The following PHF13 variants were observed in gnomAD, a reference collection of about 807,000 sequenced individuals.
PHF13 encodes the protein PHD finger protein 13.
A neutral mutation model predicts 25.8 loss-of-function variants in PHF13; 1 was observed. The ratio of observed to expected loss-of-function variants is 0.04; its 90% CI spans 0.01 to 0.18. The LOEUF is 0.18. Among genes scored for constraint, PHF13 ranks in the 10% least tolerant of loss-of-function variants. PHF13 has a pLI of 1.00. For missense variants in PHF13, 306 were observed against 403.2 expected (o/e 0.76, Z 2.06); for synonymous variants, 195 against 162.4 (o/e 1.20, Z -1.53).
chr1:6,615,642 G>A (rs971651037), intron 1 of PHF13, among the ~76,000 whole-genome samples: 4 of 152,144 alleles, frequency 2.6e-5, no homozygotes, highest in African/African-American at 4.8e-5. Flanking sequence ...GCACTGAAAG[G>A]AACCTCAGGG....
At position 6,614,057 on chromosome 1, in the gene PHF13, C is replaced by G. The variant is rs1376014768; in HGVS notation, c.-10C>G. 4 of 1,592,650 alleles carry G rather than the reference C, an allele frequency of 2.5e-6. No homozygotes were observed. The highest frequency in any genetic ancestry group is 1.1e-5 in the South Asian group (1 of 89,302). The stretch of plus-strand genomic sequence containing the variant: ...CACTCTCGCAGCCGCCGCCGCCCCC[C>G]GCCCGGAACATGGACTCTGACTCTT... On this transcript the variant is annotated 5_prime_UTR_variant, in exon 1 of 4. Coordinates refer to ENST00000377648, the MANE Select transcript of PHF13 (RefSeq NM_153812.3).
chr1:6,614,132 C>T (rs1570220214), intron 1 of PHF13, 27 bp downstream of exon 1: 2 of 1,593,790 alleles, frequency 1.3e-6, no homozygotes, highest in Non-Finnish European at 1.7e-6. Context: ...GTCCGAATCG[C>T]CCCCGACCAC....
Position 6,621,687 on chromosome 1 carries a change from G to A in PHF13, c.*50G>A. 3 of 1,572,036 alleles carry A rather than the reference G, an allele frequency of 1.9e-6. No homozygotes were observed. Among genetic ancestry groups the A allele is most frequent in the Non-Finnish European group, 8.7e-7 (1 of 1,146,332 alleles). ...AGCGTGGAATCGGAAGCGACCGCGG[G>A]CTTTTTTGCCCTTCTCTTAGTTGAG... On this transcript the variant is annotated 3_prime_UTR_variant, in exon 4 of 4. Transcript: ENST00000377648. The surrounding 1 kb of genome is among the most constrained non-coding windows in gnomAD (Gnocchi z 4.8).
intron 1 of PHF13, among the ~76,000 whole-genome samples, chr1:6,615,681 G>A (rs1266156517): frequency 1.3e-5 from 2 of 152,162 alleles, no homozygotes; most frequent in Non-Finnish European, 2.9e-5. Context: ...ACAGCAATAC[G>A]GCACACTTGT....
chr1:6,615,986 G>T (rs1303520601), intron 1 of PHF13, among the ~76,000 whole-genome samples: 2 of 151,100 alleles, frequency 1.3e-5, no homozygotes, highest in East Asian at 3.9e-4. Flanking sequence ...GTGAACTCCA[G>T]GGTCCAGGTC....
At chr1:6,615,474 C>T (rs935671453) in intron 1 of PHF13, among the ~76,000 whole-genome samples, 2 of 152,048 alleles carry the variant, frequency 1.3e-5, no homozygotes, top group African/African-American at 2.4e-5. Context: ...CTAAGGGCAC[C>T]GACTTTCTCG....
At chr1:6,615,624 C>T (rs1330750482) in intron 1 of PHF13, among the ~76,000 whole-genome samples, 1 of 152,052 alleles carries the variant, frequency 6.6e-6, no homozygotes, top group Non-Finnish European at 1.5e-5. Flanking sequence ...GGGGGTGGGT[C>T]GGACAAGGCA....
intron 1 of PHF13, among the ~76,000 whole-genome samples, chr1:6,614,839 G>A: frequency 6.6e-6 from 1 of 150,446 alleles, no homozygotes; most frequent in East Asian, 2.0e-4. Context: ...CCTCCCCCCC[G>A]CGCGGTCCCC....
Position 6,623,757 on chromosome 1 carries a change from GCTT to G in PHF13, c.*2124_*2126del, listed in dbSNP as rs1257047642. The G allele has an allele frequency of 6.6e-6, 1 of 152,616 alleles. No individual in the cohort carries two copies. Among genetic ancestry groups the G allele is most frequent in the Non-Finnish European group, 1.5e-5 (1 of 68,040 alleles). The allele number at this position is 152,616 out of a possible 1,614,324, so 9.5% of individuals were successfully genotyped here. ...AGATTGAGCTGGGCAGCTGCAATCA[GCTT>G]CTTTATATGCAAATTAGGCACGACC... is the stretch of plus-strand genomic sequence containing the variant. On this transcript the variant is annotated 3_prime_UTR_variant, in exon 4 of 4. Transcript: ENST00000377648.
In PHF13 at chr1:6,619,838, C is replaced by T; in HGVS notation, c.177C>T (p.Asn59=). Residue 59 remains asparagine (N), a synonymous_variant, in exon 3 of 4, where the codon AAC becomes AAT. Transcript: ENST00000377648. The part of the protein sequence containing the change: ...LPLRSSPSPA[N]STAGTIDSDG... ...TAAGGAGCAGCCCCAGCCCTGCTAA[C>T]AGCACTGCTGGTACCATTGACAGCG... 3.1e-6 allele frequency: 5 copies of T among 1,612,190 alleles called. No homozygotes were observed. Among genetic ancestry groups the T allele is most frequent in the South Asian group, 1.1e-5 (1 of 90,952 alleles).
In PHF13 at chr1:6,623,843, A is replaced by G. The variant is rs929887822; in HGVS notation, c.*2206A>G. On this transcript the variant is annotated 3_prime_UTR_variant, in exon 4 of 4. Transcript: ENST00000377648. ...TGAGGGGAGGGAGGGATGTCACCCC[A>G]AAAGTAGGCCCTCCCATTGGCTTTG... 2 of 152,658 alleles carry G rather than the reference A, an allele frequency of 1.3e-5. No homozygotes were observed. The highest frequency in any genetic ancestry group is 2.4e-5 in the African/African-American group (1 of 41,458). The allele number at this position is 152,658 out of a possible 1,614,324, so 9.5% of individuals were successfully genotyped here.
rs1276248985 is a variant in PHF13 at position 6,623,099 on chromosome 1, T to TG, written c.*1467dup. Reference sequence around the variant, plus strand: ...TGGGATGGGCCCGCGTTCTCACTGCTGGGGGCTTCCCCTTCATGTGGCACC... The same window carrying TG: ...TGGGATGGGCCCGCGTTCTCACTGCTGGGGGGCTTCCCCTTCATGTGGCACC... On this transcript the variant is annotated 3_prime_UTR_variant, in exon 4 of 4. Coordinates refer to ENST00000377648, the MANE Select transcript of PHF13 (RefSeq NM_153812.3). 6.6e-6 allele frequency: 1 copy of TG among 152,276 alleles called. No individual in the cohort carries two copies. Among genetic ancestry groups the TG allele is most frequent in the Non-Finnish European group, 1.5e-5 (1 of 68,056 alleles). The allele number at this position is 152,276 out of a possible 1,614,324, so 9.4% of individuals were successfully genotyped here.
Position 6,613,958 on chromosome 1 carries a change from G to A in PHF13, c.-109G>A. The A allele has an allele frequency of 4.5e-6, 3 of 668,332 alleles. No homozygotes were observed. The highest frequency in any genetic ancestry group is 2.5e-6 in the Non-Finnish European group (1 of 407,268). 41.4% of individuals were successfully genotyped at this position (668,332 alleles called of 1,614,324 possible). A position where few individuals can be genotyped will look rare whatever the true frequency, so the allele number is the denominator to read the frequency against. On this transcript the variant is annotated 5_prime_UTR_variant, in exon 1 of 4. Transcript: ENST00000377648. ...ACCTCCAGCCCGGGCGACCCCTCCC[G>A]GGTCCGCCCTCGCCCTGCGCAGCCG...
chr1:6,615,010 C>T (rs563043129), intron 1 of PHF13, among the ~76,000 whole-genome samples: 26 of 151,532 alleles, frequency 1.7e-4, no homozygotes, highest in East Asian at 3.9e-4. Context: ...CCTGGCGCAC[C>T]CCCCTCACAC....
At chr1:6,620,863 C>CA (rs761571305) in intron 3 of PHF13, among the ~76,000 whole-genome samples, 4,641 of 137,636 alleles carry the variant, frequency 0.034, 208 homozygotes, top group African/African-American at 0.11. Context: ...ACTAAAGATA[C>CA]AAAAAAAAAA....
chr1:6,621,003 G>A lies in PHF13; in HGVS notation c.677-408G>A, dbSNP rs990433867. On this transcript the variant is annotated intron_variant, in intron 3 of 3. Coordinates refer to ENST00000377648, the MANE Select transcript of PHF13 (RefSeq NM_153812.3). The surrounding 1 kb of genome is among the most constrained non-coding windows in gnomAD (Gnocchi z 4.8). ...GCCAAGATCGCGCCATTGCACTCCA[G>A]CCTGGGCGACAGCAAAACTCCGTCT... Among the ~76,000 whole-genome samples, 3 of 149,480 alleles carry A rather than the reference G, an allele frequency of 2.0e-5. No homozygotes were observed. The highest frequency in any genetic ancestry group is 7.4e-5 in the African/African-American group (3 of 40,434).
rs1325095588 is a variant in PHF13 at position 6,623,205 on chromosome 1, CAG to C, written c.*1571_*1572del. Reference sequence around the variant, plus strand: ...GGGCTTGAACCGTAATTTGGCTAATCAGAGGCATTTTTTTTGTCCTAGTATCT... The same window carrying C: ...GGGCTTGAACCGTAATTTGGCTAATCAGGCATTTTTTTTGTCCTAGTATCT... On this transcript the variant is annotated 3_prime_UTR_variant, in exon 4 of 4. Coordinates refer to ENST00000377648, the MANE Select transcript of PHF13 (RefSeq NM_153812.3). 1 of 152,234 alleles carries C rather than the reference CAG, an allele frequency of 6.6e-6. No individual in the cohort carries two copies. Among genetic ancestry groups the C allele is most frequent in the African/African-American group, 2.4e-5 (1 of 41,458 alleles). The allele number at this position is 152,234 out of a possible 1,614,324, so 9.4% of individuals were successfully genotyped here.
rs771290339 is a variant in PHF13 at position 6,620,318 on chromosome 1, G to A, written c.657G>A (p.Glu219=). Residue 219 remains glutamate, a synonymous_variant, in exon 3 of 4, where the codon GAG becomes GAA. Coordinates refer to ENST00000377648, the MANE Select transcript of PHF13 (RefSeq NM_153812.3). ...ATGAGGACAGCACTGGCAATGATGA[G>A]GACATCATGGTGGACTCAGGTGAGT... is the stretch of plus-strand genomic sequence containing the variant. The part of the protein sequence containing the change: ...FRDEDSTGND[E]DIMVDSDDDS... 6 of 1,612,864 alleles carry A rather than the reference G, an allele frequency of 3.7e-6. No individual in the cohort carries two copies. The South Asian group carries it at 4.4e-5, about 12-fold the overall frequency.
chr1:6,615,577 C>T (rs995456254), intron 1 of PHF13, among the ~76,000 whole-genome samples: 3 of 152,220 alleles, frequency 2.0e-5, no homozygotes, highest in Non-Finnish European at 4.4e-5. Flanking sequence ...TCTCCCCCAG[C>T]AGAGTGGCGG....
Sources: allele counts gnomAD v4.1 joint callset (sites outside exome capture counted in the v4.1 genomes callset), GRCh38; gene constraint gnomAD v4.1.1; non-coding constraint Gnocchi (gnomAD v3.1); transcripts MANE v1.5; gene names NCBI Gene and HGNC (gene_info 2026-07-23, HGNC 2026-07-21).